KAZN: variants seen among roughly 807,000 people sequenced by gnomAD.
The protein encoded by KAZN is kazrin.
In KAZN, 40 loss-of-function variants were observed where a neutral mutation model predicts 87.4. The ratio of observed to expected loss-of-function variants is 0.46; its 90% CI spans 0.36 to 0.60. The LOEUF (loss-of-function observed/expected upper bound fraction) is 0.60. Ranked by LOEUF, KAZN falls within the 20% of genes least tolerant of loss-of-function variation. The pLI is 0.00. For missense variants in KAZN, 898 were observed against 1,073.9 expected (o/e 0.84, Z 2.29); for synonymous variants, 466 against 458.3 (o/e 1.02, Z -0.22).
At chr1:14,742,356 A>G (rs79852111) in intron 1 of KAZN, among the ~76,000 whole-genome samples, 4,474 of 152,336 alleles carry the variant, frequency 0.029, 85 homozygotes, top group South Asian at 0.054. Context: ...CCTCCCACTT[A>G]AGAGCACAGC....
rs1659200223 is a variant in KAZN at position 14,358,210 on chromosome 1, G to C, written c.249+177618G>C. On this transcript the variant is annotated intron_variant, in intron 2 of 16. Coordinates refer to the KAZN transcript ENST00000636203. Reference sequence around the variant, plus strand: ...AGAGTTTCTAGTTTATTTCCATAGAGGTGTTTATAGCATTCTCTGATGGTA... The same window carrying C: ...AGAGTTTCTAGTTTATTTCCATAGACGTGTTTATAGCATTCTCTGATGGTA... Among the ~76,000 whole-genome samples the C allele has an allele frequency of 2.0e-5, 3 of 152,082 alleles. No individual in the cohort carries two copies. In the South Asian group the frequency reaches 6.2e-4, roughly 32 times the overall value.
chr1:14,417,781 G>A, intron 2 of KAZN, among the ~76,000 whole-genome samples: 1 of 151,744 alleles, frequency 6.6e-6, no homozygotes, highest in East Asian at 1.9e-4. Flanking sequence ...CAGATTCCGA[G>A]GTCAGGAGAT....
chr1:14,423,715 A>G lies in KAZN; in HGVS notation c.250-175268A>G, dbSNP rs376658455. Among the ~76,000 whole-genome samples the G allele has an allele frequency of 4.6e-5, 7 of 152,198 alleles. No individual in the cohort carries two copies. The East Asian group carries it at 5.8e-4, about 13-fold the overall frequency. On this transcript the variant is annotated intron_variant, in intron 2 of 16. Coordinates refer to the KAZN transcript ENST00000636203. ...CCAATTCCTCCCTGATTTTCAGTCC[A>G]TGTGGCTCAGATGGAACTTCCCTTA...
At chr1:14,523,940 C>T (rs955921232) in intron 2 of KAZN, among the ~76,000 whole-genome samples, 3 of 152,136 alleles carry the variant, frequency 2.0e-5, no homozygotes, top group Non-Finnish European at 2.9e-5. Flanking sequence ...TAAGGGAGAG[C>T]GAGGTGTTGT....
At chr1:14,046,615 G>A (rs181848971) in intron 1 of KAZN, among the ~76,000 whole-genome samples, 7 of 152,298 alleles carry the variant, frequency 4.6e-5, no homozygotes, top group African/African-American at 1.7e-4. Context: ...ACCCATGAGT[G>A]AACTCTCAGA....
chr1:14,295,981 G>T (rs1399046884), intron 2 of KAZN, among the ~76,000 whole-genome samples: 2 of 152,108 alleles, frequency 1.3e-5, no homozygotes, highest in African/African-American at 4.8e-5. Flanking sequence ...ACTACTTTCT[G>T]TCTGTGTGAC....
At chr1:14,319,921 C>A (rs1655934154) in intron 2 of KAZN, among the ~76,000 whole-genome samples, 1 of 152,144 alleles carries the variant, frequency 6.6e-6, no homozygotes. Context: ...AACCCTGACT[C>A]ATTCATAATT....
In KAZN at chr1:14,557,642, GT is replaced by G. The variant is rs1440775953; in HGVS notation, c.250-41340del. On this transcript the variant is annotated intron_variant, in intron 2 of 16. Transcript: ENST00000636203. ...AGGGTGTGTGTGGGTGTGTGTGTGTGTGTGTGTGTGTGTGTGTGTGTGTGGT... is the reference window on the plus strand; with the variant it reads ...AGGGTGTGTGTGGGTGTGTGTGTGTGGTGTGTGTGTGTGTGTGTGTGTGGT... 1.9e-4 allele frequency among the ~76,000 whole-genome samples: 28 copies of G among 143,648 alleles called. No individual in the cohort carries two copies. The East Asian group carries it at 4.7e-3, about 24-fold the overall frequency. The allele number at this position is 143,648 out of a possible 152,430, so 94.2% of individuals were successfully genotyped here.
intron 1 of KAZN, among the ~76,000 whole-genome samples, chr1:14,611,694 A>C (rs893215141): frequency 1.3e-5 from 2 of 152,016 alleles, no homozygotes; most frequent in African/African-American, 4.8e-5. Context: ...GTCTCAAAAA[A>C]AAAAAAAAAA....
chr1:14,462,878 T>C (rs1667928180), intron 2 of KAZN, among the ~76,000 whole-genome samples: 1 of 152,130 alleles, frequency 6.6e-6, no homozygotes, highest in Non-Finnish European at 1.5e-5. Context: ...TTGTGGGAGC[T>C]ATAATTCAAG....
At chr1:13,997,438 AT>A (rs1279791645) in intron 1 of KAZN, among the ~76,000 whole-genome samples, 1 of 152,050 alleles carries the variant, frequency 6.6e-6, no homozygotes, top group African/African-American at 2.4e-5. Context: ...ACGGGGGCAT[AT>A]TCTAACCTGA....
chr1:14,823,717 A>G lies in KAZN; in HGVS notation c.227-136967A>G, dbSNP rs116248929. Among the ~76,000 whole-genome samples the G allele has an allele frequency of 3.2e-3, 491 of 152,316 alleles. 3 individuals carry two copies. The highest frequency in any genetic ancestry group is 0.011 in the African/African-American group (458 of 41,564). ...CAGATCGTATAGTGTGTGGAAGCCC[A>G]GAAGGGGAGGTCCGCTCAGATTGGA... On this transcript the variant is annotated intron_variant, in intron 1 of 14. Coordinates refer to ENST00000376030, the MANE Select transcript of KAZN (RefSeq NM_201628.3).
intron 2 of KAZN, among the ~76,000 whole-genome samples, chr1:14,292,562 T>C (rs1653792100): frequency 6.6e-6 from 1 of 152,170 alleles, no homozygotes; most frequent in South Asian, 2.1e-4. Flanking sequence ...GCAGTGCTGA[T>C]GCGCCACCCC....
At chr1:14,488,703 A>G (rs1429397494) in intron 2 of KAZN, among the ~76,000 whole-genome samples, 1 of 152,228 alleles carries the variant, frequency 6.6e-6, no homozygotes, top group Non-Finnish European at 1.5e-5. Context: ...AAGGAATTCC[A>G]GAAAAGAAAA....
At chr1:13,897,259 G>T (rs531343977) in intron 1 of KAZN, among the ~76,000 whole-genome samples, 2 of 152,292 alleles carry the variant, frequency 1.3e-5, no homozygotes, top group East Asian at 3.9e-4. Context: ...CTTATTATCT[G>T]GCTCCTTGCA....
intron 2 of KAZN, among the ~76,000 whole-genome samples, chr1:14,584,332 G>A (rs780222298): frequency 3.9e-5 from 6 of 152,218 alleles, no homozygotes; most frequent in African/African-American, 4.8e-5. Flanking sequence ...AGGTAAGCCC[G>A]GAGTTGCCTT....
chr1:14,676,509 T>A (rs900261916), intron 1 of KAZN, among the ~76,000 whole-genome samples: 4 of 152,146 alleles, frequency 2.6e-5, no homozygotes, highest in Admixed American at 2.6e-4. Flanking sequence ...AAAGACTGAA[T>A]AAAATAATGA....
chr1:14,710,619 C>G (rs553596129), intron 1 of KAZN, among the ~76,000 whole-genome samples: 1 of 152,202 alleles, frequency 6.6e-6, no homozygotes, highest in African/African-American at 2.4e-5. Flanking sequence ...CTCCCCACCC[C>G]CCGGTACCAG....
At chr1:14,257,046 T>C (rs1281845249) in intron 2 of KAZN, among the ~76,000 whole-genome samples, 1 of 152,192 alleles carries the variant, frequency 6.6e-6, no homozygotes, top group Non-Finnish European at 1.5e-5. Flanking sequence ...AATTACCCTT[T>C]TAATCAGAAA....
Sources: gnomAD v4.1 joint callset for allele counts (sites outside exome capture counted in the v4.1 genomes callset) on GRCh38, gnomAD v4.1.1 for gene constraint, MANE v1.5 for transcripts, NCBI Gene and HGNC (gene_info 2026-07-23, HGNC 2026-07-21) for gene names.